The following USP32 variants were observed in gnomAD, a reference collection of about 807,000 sequenced individuals.
USP32 encodes the protein ubiquitin carboxyl-terminal hydrolase 32.
Under a neutral mutation model 204.8 loss-of-function variants are expected in USP32, and 59 were observed. The ratio of observed to expected loss-of-function variants is 0.29; its 90% CI spans 0.23 to 0.36. The LOEUF (loss-of-function observed/expected upper bound fraction) is 0.36. Among genes scored for constraint, USP32 ranks in the 10% least tolerant of loss-of-function variants. The pLI, the probability that USP32 is intolerant of heterozygous loss-of-function variation, is 1.00. For synonymous variants in USP32, 517 were observed against 678.4 expected, an observed-to-expected ratio of 0.76 and a Z score of 3.70; for missense variants, 1,160 against 1,946.4, an observed-to-expected ratio of 0.60 and a Z score of 7.60.
At chr17:60,254,756 T>G (rs1265641937) in intron 10 of USP32, among the ~76,000 whole-genome samples, 2 of 152,086 alleles carry the variant, frequency 1.3e-5, no homozygotes, top group East Asian at 3.9e-4. Flanking sequence ...TATAGCTACC[T>G]CCTTATGATT....
chr17:60,403,161 G>A (rs1327199840), intron 1 of USP32, among the ~76,000 whole-genome samples: 1 of 152,046 alleles, frequency 6.6e-6, no homozygotes, highest in African/African-American at 2.4e-5. Context: ...ACAGGCGCGC[G>A]CCACCACGCC....
chr17:60,377,887 ATTGT>A (rs2089577947), intron 1 of USP32, among the ~76,000 whole-genome samples: 2 of 152,192 alleles, frequency 1.3e-5, no homozygotes, highest in South Asian at 2.1e-4. Context: ...AATCTGTAAC[ATTGT>A]TTAAGTTCAA....
At chr17:60,392,189 C>CTCTCTCCTCCCTCTCCT, upstream of USP32, 1 of 538,848 alleles carries the variant, frequency 1.9e-6, no homozygotes, top group South Asian at 2.3e-5. Flanking sequence ...TCTCTCTCCT[C>CTCTCTCCTCCCTCTCCT]TCTCTCCTCC....
chr17:60,198,851 C>T (rs369657111), intron 26 of USP32, among the ~76,000 whole-genome samples: 1 of 152,184 alleles, frequency 6.6e-6, no homozygotes, highest in Admixed American at 6.5e-5. Context: ...TGGTGGCTCA[C>T]GCCTGTAATC....
intron 9 of USP32, among the ~76,000 whole-genome samples, chr17:60,263,223 T>C (rs1490119266): frequency 1.3e-5 from 2 of 152,060 alleles, no homozygotes; most frequent in Admixed American, 6.6e-5. Flanking sequence ...GCTGGGATTA[T>C]AGATGAGAAC....
Position 60,207,115 on chromosome 17 carries a change from G to C in USP32, c.2943C>G (p.Asn981Lys), listed in dbSNP as rs2084849443. 1.2e-6 allele frequency: 2 copies of C among 1,612,228 alleles called. No individual in the cohort carries two copies. The highest frequency in any genetic ancestry group is 1.7e-5 in the Admixed American group (1 of 59,850). Residue 981 changes from asparagine (N) to lysine (K), a missense_variant, in exon 25 of 34, where the codon AAC becomes AAG. By Grantham distance (94) the Asn-to-Lys change is moderately conservative. This residue lies in a region of USP32 where 132 missense variants were observed against 432.8 expected (regional missense o/e 0.30). Coordinates refer to ENST00000300896, the MANE Select transcript of USP32 (RefSeq NM_032582.4). ...GSNIKNFPQD[N>K]QKVRLSVSGF... ...CACTCACTGAGAGTCGTACTTTTTG[G>C]TTGTCCTGAGGAAAGTTCTACAGAA...
intron 2 of USP32, among the ~76,000 whole-genome samples, chr17:60,313,166 G>A (rs1283541029): frequency 1.4e-5 from 2 of 146,708 alleles, no homozygotes; most frequent in East Asian, 1.9e-4. Context: ...AAGGAGAATC[G>A]CTTGAACCTG....
intron 15 of USP32, among the ~76,000 whole-genome samples, chr17:60,220,647 CTT>C (rs903177829): frequency 1.3e-4 from 18 of 141,156 alleles, no homozygotes; most frequent in Non-Finnish European, 1.6e-4. Flanking sequence ...ACTGAAACTC[CTT>C]TTTTTTTTTT....
At chr17:60,319,332 G>A (rs2088058475) in intron 2 of USP32, among the ~76,000 whole-genome samples, 1 of 151,970 alleles carries the variant, frequency 6.6e-6, no homozygotes, top group Non-Finnish European at 1.5e-5. Flanking sequence ...TAATAAATAC[G>A]AGTATAATAA....
At chr17:60,421,762 C>T in intron 1 of USP32, 1 of 877,710 alleles carries the variant, frequency 1.1e-6, no homozygotes, top group Non-Finnish European at 1.4e-6. Context: ...TTTCCGCCCT[C>T]GGCCTCGGGT....
intron 12 of USP32, among the ~76,000 whole-genome samples, chr17:60,234,330 G>A (rs1598112485): frequency 6.6e-6 from 1 of 151,092 alleles, no homozygotes; most frequent in African/African-American, 2.4e-5. Context: ...AGCCAGGATG[G>A]TCTCGATCTC....
At chr17:60,184,903 A>G (rs1255850155) in intron 30 of USP32, among the ~76,000 whole-genome samples, 1 of 152,128 alleles carries the variant, frequency 6.6e-6, no homozygotes, top group Non-Finnish European at 1.5e-5. Context: ...AAGATTTGTC[A>G]CTTCAAATTC....
intron 1 of USP32, among the ~76,000 whole-genome samples, chr17:60,382,070 T>C (rs781738022): frequency 2.2e-4 from 34 of 152,386 alleles, no homozygotes; most frequent in Middle Eastern, 3.4e-3. Context: ...TTTAGTGTCT[T>C]GAAATTAGGG....
chr17:60,190,612 T>G lies in USP32; in HGVS notation c.3593A>C (p.Asp1198Ala), dbSNP rs770249052. ...AAGGTGAAGGGCTGTGGGATCCCAA[T>G]CCACAGCGATATAGGCATTTCCAAT... ...AFIGNAYIAVDWDPTALHLRY... is the reference protein window; with the variant it reads ...AFIGNAYIAVAWDPTALHLRY... Residue 1198 changes from aspartate (D) to alanine (A), a missense_variant, in exon 29 of 34, where the codon GAT (aspartate) becomes GCT (alanine). Asp to Ala is a moderately radical substitution (Grantham distance 126). Around this residue, in one of 8 missense-constraint regions of USP32, gnomAD observed 160 missense variants for 322.5 expected, o/e 0.50. Coordinates refer to ENST00000300896, the MANE Select transcript of USP32 (RefSeq NM_032582.4). The G allele has an allele frequency of 6.2e-7, 1 of 1,605,850 alleles. No individual in the cohort carries two copies. The highest frequency in any genetic ancestry group is 8.5e-7 in the Non-Finnish European group (1 of 1,177,762).
chr17:60,228,529 A>G (rs970541856), intron 12 of USP32, among the ~76,000 whole-genome samples: 1 of 145,558 alleles, frequency 6.9e-6, no homozygotes, highest in African/African-American at 2.6e-5. Context: ...AATTAAAACA[A>G]GTTTTGGCCA....
intron 1 of USP32, among the ~76,000 whole-genome samples, chr17:60,409,171 A>G (rs911815018): frequency 6.6e-6 from 1 of 152,120 alleles, no homozygotes; most frequent in Non-Finnish European, 1.5e-5. Context: ...AACATGGCGA[A>G]ACCCTGTCTC....
intron 27 of USP32, among the ~76,000 whole-genome samples, chr17:60,197,025 A>G (rs141665670): frequency 0.034 from 5,175 of 151,812 alleles, 141 homozygotes; most frequent in South Asian, 0.072. Flanking sequence ...TACTAAAAAT[A>G]CAAAAATTAG....
At position 60,205,783 on chromosome 17, in the gene USP32, T is replaced by C. The variant is rs531614574; in HGVS notation, c.3038-125A>G. On this transcript the variant is annotated intron_variant, in intron 25 of 33. Coordinates refer to ENST00000300896, the MANE Select transcript of USP32 (RefSeq NM_032582.4). ...AACACAGGGCAGGGAGAAATCACAGTATAAATAATTCTAGATTTATTGGAA... is the reference window on the plus strand; with the variant it reads ...AACACAGGGCAGGGAGAAATCACAGCATAAATAATTCTAGATTTATTGGAA... 4.5e-3 allele frequency: 5,118 copies of C among 1,137,656 alleles called. 147 individuals are homozygous for C. In the African/African-American group the frequency reaches 0.072, roughly 16 times the overall value. The allele number at this position is 1,137,656 out of a possible 1,614,324, so 70.5% of individuals were successfully genotyped here. A position where few individuals can be genotyped will look rare whatever the true frequency, so the allele number is the denominator to read the frequency against.
chr17:60,373,219 A>G (rs2089476151), intron 1 of USP32, among the ~76,000 whole-genome samples: 1 of 152,064 alleles, frequency 6.6e-6, no homozygotes, highest in African/African-American at 2.4e-5. Context: ...TCTTTTTTTA[A>G]AAAAGGTACA....
Sources: allele counts gnomAD v4.1 joint callset (sites outside exome capture counted in the v4.1 genomes callset), GRCh38; gene constraint gnomAD v4.1.1; regional missense constraint gnomAD v4.1.1; transcripts MANE v1.5; gene names NCBI Gene and HGNC (gene_info 2026-07-23, HGNC 2026-07-21).